Variants in GOLGA3 observed in about 807,000 individuals in gnomAD.
GOLGA3 encodes golgin A3.
A neutral mutation model predicts 169.4 loss-of-function variants in GOLGA3; 75 were observed. The ratio of observed to expected loss-of-function variants is 0.44; its 90% CI spans 0.37 to 0.54. The LOEUF (loss-of-function observed/expected upper bound fraction) is 0.54. Among genes scored for constraint, GOLGA3 ranks in the 20% least tolerant of loss-of-function variants. The pLI is 0.00. For missense variants in GOLGA3, 1,899 were observed against 1,930.0 expected (o/e 0.98, Z 0.30); for synonymous variants, 824 against 822.4 (o/e 1.00, Z -0.03).
At chr12:132,801,586 G>T (rs1007404638) in intron 8 of GOLGA3, among the ~76,000 whole-genome samples, 181 bp downstream of exon 8, 7 of 152,190 alleles carry the variant, frequency 4.6e-5, no homozygotes, top group Non-Finnish European at 1.0e-4. Flanking sequence ...GTTGGGGGGG[G>T]GCCCACGGGA....
intron 23 of GOLGA3, 124 bp from the exon 24 acceptor site, chr12:132,773,418 CAACT>C (rs1371575977): frequency 1.8e-6 from 1 of 541,514 alleles, no homozygotes; most frequent in Admixed American, 3.5e-5. Flanking sequence ...ATCCGCAAAC[CAACT>C]GAGACCACAG....
At chr12:132,821,864 A>AC in intron 2 of GOLGA3, 132 bp downstream of exon 2, 8 of 580,426 alleles carry the variant, frequency 1.4e-5, no homozygotes, top group Middle Eastern at 2.8e-4. Flanking sequence ...AAAAAAAAAA[A>AC]AAAAAAAAAA....
intron 6 of GOLGA3, among the ~76,000 whole-genome samples, chr12:132,805,978 C>T (rs1949377986): frequency 6.6e-6 from 1 of 152,218 alleles, no homozygotes; most frequent in African/African-American, 2.4e-5. Flanking sequence ...AGCCACGGGA[C>T]ACAGCACAGT....
At chr12:132,811,697 A>C (rs1400003062) in intron 4 of GOLGA3, 1 of 195,440 alleles carries the variant, frequency 5.1e-6, no homozygotes, top group Non-Finnish European at 9.3e-6. Flanking sequence ...CCTGACCTCA[A>C]GCAATCCGCC....
At chr12:132,807,004 C>T (rs906753175) in intron 6 of GOLGA3, among the ~76,000 whole-genome samples, 173 bp downstream of exon 6, 1 of 152,118 alleles carries the variant, frequency 6.6e-6, no homozygotes, top group African/African-American at 2.4e-5. Context: ...ACTCACAACT[C>T]TTTCTAAGGC....
chr12:132,807,259 G>A lies in GOLGA3; in HGVS notation c.1208C>T (p.Thr403Ile). 1 of 1,585,178 alleles carries A rather than the reference G, an allele frequency of 6.3e-7. No homozygotes were observed. The highest frequency in any genetic ancestry group is 2.3e-5 in the East Asian group (1 of 43,872). ...GAGCACCTGCAGCATCTCCTCCTGTGTTTCTGCTGCAGAGCTCTCCAAGGA... is the reference window on the plus strand; with the variant it reads ...GAGCACCTGCAGCATCTCCTCCTGTATTTCTGCTGCAGAGCTCTCCAAGGA... ...SVSLESSAAE[T>I]QEEMLQVLKE... The change falls in exon 6 of 24, where the codon ACA becomes ATA. Residue 403 changes from threonine to isoleucine, a missense_variant. Coordinates refer to ENST00000450791, the MANE Select transcript of GOLGA3 (RefSeq NM_001389683.1).
At position 132,786,158 on chromosome 12, in the gene GOLGA3, G is replaced by C. The variant is rs187917650; in HGVS notation, c.3123+181C>G. On this transcript the variant is annotated intron_variant, in intron 15 of 23. Coordinates refer to ENST00000450791, the MANE Select transcript of GOLGA3 (RefSeq NM_001389683.1). Reference sequence around the variant, plus strand: ...CATGTGGGGTTCATGAGGGAGACGCGAGGCAATGCTCAGTCACTGTGGGTT... The same window carrying C: ...CATGTGGGGTTCATGAGGGAGACGCCAGGCAATGCTCAGTCACTGTGGGTT... Among the ~76,000 whole-genome samples, 5 of 151,684 alleles carry C rather than the reference G, an allele frequency of 3.3e-5. No homozygotes were observed. The East Asian group carries it at 5.9e-4, about 18-fold the overall frequency.
intron 2 of GOLGA3, among the ~76,000 whole-genome samples, chr12:132,817,158 T>A (rs1203684602): frequency 5.8e-3 from 256 of 44,080 alleles, no homozygotes; most frequent in Admixed American, 7.6e-3. Context: ...CGCCCTCCAC[T>A]CCTCCACGCT....
Position 132,801,969 on chromosome 12 carries a change from A to G in GOLGA3, c.1598T>C (p.Val533Ala). 1 of 1,596,040 alleles carries G rather than the reference A, an allele frequency of 6.3e-7. No individual in the cohort carries two copies. The highest frequency in any genetic ancestry group is 1.1e-5 in the South Asian group (1 of 91,008). ...TGTCATCTGCTGTCGCAGGTCGTGC[A>G]CTGAAATGGGGCAAGCACAGCGGCT... is the stretch of plus-strand genomic sequence containing the variant. ...QRSMLSKDNT[V>A]HDLRQQMTAL... Residue 533 changes from valine to alanine, a missense_variant and splice_region_variant, in exon 8 of 24, where the codon GTG becomes GCG. Transcript: ENST00000450791.
chr12:132,801,236 GA>G (rs1949113643), intron 8 of GOLGA3, among the ~76,000 whole-genome samples: 1 of 152,248 alleles, frequency 6.6e-6, no homozygotes, highest in Non-Finnish European at 1.5e-5. Flanking sequence ...ACAGGACGTA[GA>G]AAATGCAAGG....
At chr12:132,799,135 G>A (rs984135238) in intron 8 of GOLGA3, among the ~76,000 whole-genome samples, 2 of 152,182 alleles carry the variant, frequency 1.3e-5, no homozygotes, top group African/African-American at 2.4e-5. Flanking sequence ...AGTGCGAGAC[G>A]TGACAGAAGC....
intron 8 of GOLGA3, among the ~76,000 whole-genome samples, chr12:132,798,930 G>A (rs967904445): frequency 8.5e-5 from 13 of 152,214 alleles, no homozygotes; most frequent in African/African-American, 3.1e-4. Flanking sequence ...AGCCAGCTAG[G>A]GCCCGGCCCA....
chr12:132,823,807 G>A (rs937688087), intron 1 of GOLGA3, among the ~76,000 whole-genome samples: 2 of 149,582 alleles, frequency 1.3e-5, no homozygotes, highest in Non-Finnish European at 3.0e-5. Flanking sequence ...AAAGGGCTGC[G>A]TGTGATGGCT....
chr12:132,811,797 T>A lies in GOLGA3; in HGVS notation c.519+1510A>T, dbSNP rs148868906. On this transcript the variant is annotated intron_variant, in intron 4 of 23. Coordinates refer to ENST00000450791, the MANE Select transcript of GOLGA3 (RefSeq NM_001389683.1). ...ATTTAAAAACATAACCTTAAAGGTATAAGAAGAACACGCTGGTCATTTTAT... is the reference window on the plus strand; with the variant it reads ...ATTTAAAAACATAACCTTAAAGGTAAAAGAAGAACACGCTGGTCATTTTAT... 3.3e-6 allele frequency: 3 copies of A among 921,326 alleles called. No homozygotes were observed. The African/African-American group carries it at 5.4e-5, about 16-fold the overall frequency. 57.1% of individuals were successfully genotyped at this position (921,326 alleles called of 1,614,324 possible).
intron 2 of GOLGA3, among the ~76,000 whole-genome samples, chr12:132,821,626 G>A (rs186594474): frequency 5.5e-4 from 84 of 151,960 alleles, no homozygotes; most frequent in African/African-American, 1.4e-3. Flanking sequence ...AGGCTGAGGC[G>A]GGCGGATCAC....
intron 11 of GOLGA3, 140 bp from the exon 12 acceptor site, chr12:132,791,433 C>T: frequency 1.7e-6 from 1 of 582,938 alleles, no homozygotes; most frequent in Non-Finnish European, 3.0e-6. Flanking sequence ...GACACATCCT[C>T]ACAGATGTTA....
chr12:132,802,089 G>T, intron 7 of GOLGA3, 120 bp from the exon 8 acceptor site: 5 of 742,780 alleles, frequency 6.7e-6, no homozygotes, highest in Non-Finnish European at 1.1e-5. Context: ...GTCAGTTCCG[G>T]TTATTCCCCA....
intron 7 of GOLGA3, among the ~76,000 whole-genome samples, chr12:132,803,243 C>T (rs553991297): frequency 2.0e-5 from 3 of 152,154 alleles, no homozygotes; most frequent in Non-Finnish European, 2.9e-5. Flanking sequence ...CCTCAGCGGG[C>T]GCCTAGGATG....
intron 12 of GOLGA3, among the ~76,000 whole-genome samples, 166 bp downstream of exon 12, chr12:132,791,050 C>CAAAAAAAAAAAA (rs771719474): frequency 9.5e-5 from 5 of 52,650 alleles, no homozygotes; most frequent in South Asian, 1.2e-3. Flanking sequence ...GACTCCGTCT[C>CAAAAAAAAAAAA]AAAAAAAAAA....
Sources: gnomAD v4.1 joint callset for allele counts (sites outside exome capture counted in the v4.1 genomes callset) on GRCh38, gnomAD v4.1.1 for gene constraint, MANE v1.5 for transcripts, NCBI Gene and HGNC (gene_info 2026-07-23, HGNC 2026-07-21) for gene names.